Variants in STXBP5L observed in about 807,000 individuals in gnomAD.
STXBP5L encodes syntaxin binding protein 5L.
Under a neutral mutation model 144.5 loss-of-function variants are expected in STXBP5L, and 65 were observed. That is an observed-to-expected ratio of 0.45 (90% CI 0.37 to 0.55). The LOEUF (loss-of-function observed/expected upper bound fraction) is 0.55. Ranked by LOEUF, STXBP5L falls within the 20% of genes least tolerant of loss-of-function variation. The pLI is 0.00. For missense variants in STXBP5L, 1,298 were observed against 1,405.5 expected, an observed-to-expected ratio of 0.92 and a Z score of 1.22; for synonymous variants, 505 against 469.6, an observed-to-expected ratio of 1.08 and a Z score of -0.97.
intron 2 of STXBP5L, among the ~76,000 whole-genome samples, chr3:120,942,694 TTAGTAATTTGTTTC>T: frequency 6.6e-6 from 1 of 151,592 alleles, no homozygotes; most frequent in Non-Finnish European, 1.5e-5. Context: ...CAAAACATTT[TTAGTAATTTGTTTC>T]TATTTTCTTG....
At chr3:121,413,495 G>A (rs1241434671) in intron 24 of STXBP5L, among the ~76,000 whole-genome samples, 172 bp downstream of exon 24, 1 of 152,102 alleles carries the variant, frequency 6.6e-6, no homozygotes, top group East Asian at 1.9e-4. Context: ...ATGGTTCTAG[G>A]TATTGCACAG....
intron 3 of STXBP5L, among the ~76,000 whole-genome samples, chr3:121,001,552 C>T (rs1366437561): frequency 2.0e-5 from 3 of 152,154 alleles, no homozygotes; most frequent in African/African-American, 4.8e-5. Context: ...GGATGGAGTC[C>T]TGTCTCTGCT....
chr3:121,044,494 C>A (rs566888522), intron 4 of STXBP5L, among the ~76,000 whole-genome samples: 1 of 152,244 alleles, frequency 6.6e-6, no homozygotes, highest in South Asian at 2.1e-4. Context: ...TTACTTCTAA[C>A]AAAGTACTTT....
At chr3:121,342,222 T>A (rs184368126) in intron 20 of STXBP5L, among the ~76,000 whole-genome samples, 2 of 152,074 alleles carry the variant, frequency 1.3e-5, no homozygotes, top group Non-Finnish European at 2.9e-5. Context: ...TGCATAAACA[T>A]TTCTCATTCC....
chr3:120,954,876 G>T, intron 2 of STXBP5L, 64 bp from the exon 3 acceptor site: 2 of 1,336,864 alleles, frequency 1.5e-6, no homozygotes, highest in Non-Finnish European at 2.1e-6. Context: ...GCTATATAAT[G>T]GTATCTTGTG....
intron 5 of STXBP5L, among the ~76,000 whole-genome samples, chr3:121,090,037 T>C (rs1395525023): frequency 6.6e-6 from 1 of 152,186 alleles, no homozygotes; most frequent in Non-Finnish European, 1.5e-5. Flanking sequence ...GTTAGCAAAT[T>C]CTAATATCTA....
At position 121,418,409 on chromosome 3, in the gene STXBP5L, G is replaced by C; in HGVS notation, c.3299G>C (p.Gly1100Ala). Residue 1100 changes from glycine (G) to alanine (A), a missense_variant, in exon 26 of 27, where the codon GGG becomes GCG. Gly to Ala is a moderately conservative substitution (Grantham distance 60, BLOSUM62 0). Transcript: ENST00000471454. ...ATTCCTGGACCAGGTAGTATAGAAG[G>C]GATGAAAGGCGCTGCTGGAGGGGTG... is the stretch of plus-strand genomic sequence containing the variant. ...QHIPGPGSIEGMKGAAGGVMG... is the reference protein window; with the variant it reads ...QHIPGPGSIEAMKGAAGGVMG... The C allele has an allele frequency of 6.2e-7, 1 of 1,614,060 alleles. No homozygotes were observed. Among genetic ancestry groups the C allele is most frequent in the Non-Finnish European group, 8.5e-7 (1 of 1,179,968 alleles).
chr3:121,040,905 A>G (rs1947101395), intron 3 of STXBP5L, among the ~76,000 whole-genome samples: 1 of 152,144 alleles, frequency 6.6e-6, no homozygotes, highest in South Asian at 2.1e-4. Flanking sequence ...TGGTGAATAA[A>G]TCTGGCCCAC....
intron 9 of STXBP5L, among the ~76,000 whole-genome samples, chr3:121,178,717 G>A (rs1225458252): frequency 3.3e-5 from 5 of 152,082 alleles, no homozygotes; most frequent in Admixed American, 6.6e-5. Context: ...TTTAGGGAAT[G>A]GTGCAAAATA....
chr3:121,329,198 G>A (rs1448216200), intron 20 of STXBP5L, among the ~76,000 whole-genome samples: 1 of 152,114 alleles, frequency 6.6e-6, no homozygotes, highest in Admixed American at 6.6e-5. Flanking sequence ...CTGGGTAAAA[G>A]TCCCGTAGGT....
chr3:121,356,794 C>G (rs2045530060), intron 20 of STXBP5L, among the ~76,000 whole-genome samples: 2 of 152,140 alleles, frequency 1.3e-5, no homozygotes, highest in South Asian at 4.1e-4. Context: ...AAGCTGCAGA[C>G]CAGAGCTGTT....
intron 20 of STXBP5L, among the ~76,000 whole-genome samples, chr3:121,355,137 A>G (rs2045459078): frequency 6.6e-6 from 1 of 151,990 alleles, no homozygotes; most frequent in Non-Finnish European, 1.5e-5. Context: ...CTTCATTTCA[A>G]CTTTGGTGAA....
chr3:120,997,115 A>G (rs1943412821), intron 3 of STXBP5L, among the ~76,000 whole-genome samples: 1 of 149,068 alleles, frequency 6.7e-6, no homozygotes, highest in Non-Finnish European at 1.5e-5. Flanking sequence ...TGTTACTGCA[A>G]AGGAAATGAT....
intron 3 of STXBP5L, among the ~76,000 whole-genome samples, chr3:121,039,353 G>T (rs1422651436): frequency 1.3e-5 from 2 of 151,644 alleles, no homozygotes; most frequent in African/African-American, 4.8e-5. Flanking sequence ...TTTATGAATG[G>T]TATAATAGTA....
At chr3:121,096,562 CTGTT>C (rs1445872468) in intron 5 of STXBP5L, among the ~76,000 whole-genome samples, 2 of 152,052 alleles carry the variant, frequency 1.3e-5, no homozygotes, top group African/African-American at 4.8e-5. Flanking sequence ...CTATTCGTTT[CTGTT>C]TGTTAGTTTT....
chr3:120,924,874 C>G (rs1280123421), intron 2 of STXBP5L: 1 of 152,182 alleles, frequency 6.6e-6, no homozygotes, highest in Admixed American at 6.6e-5. Flanking sequence ...CCACGCCTGG[C>G]TAATTTTTTG....
chr3:121,395,985 C>A (rs1249051867), intron 22 of STXBP5L, among the ~76,000 whole-genome samples: 1 of 152,206 alleles, frequency 6.6e-6, no homozygotes, highest in Non-Finnish European at 1.5e-5. Context: ...TTGATGGTAT[C>A]CAAATTGGCT....
chr3:121,014,108 A>T (rs1020383694), intron 3 of STXBP5L, among the ~76,000 whole-genome samples: 1 of 151,730 alleles, frequency 6.6e-6, no homozygotes, highest in Non-Finnish European at 1.5e-5. Context: ...TTAGAATTAT[A>T]TTGGCTATTC....
chr3:121,022,480 C>A (rs577966517), intron 3 of STXBP5L, among the ~76,000 whole-genome samples: 2 of 152,204 alleles, frequency 1.3e-5, no homozygotes, highest in South Asian at 2.1e-4. Flanking sequence ...AGACTAATAT[C>A]CCTGATTAAC....
Sources: allele counts gnomAD v4.1 joint callset (sites outside exome capture counted in the v4.1 genomes callset), GRCh38; gene constraint gnomAD v4.1.1; transcripts MANE v1.5; gene names NCBI Gene and HGNC (gene_info 2026-07-23, HGNC 2026-07-21).